SH3RF3: variants seen among roughly 807,000 people sequenced by gnomAD.
SH3RF3 encodes the protein SH3 domain containing ring finger 3.
Under a neutral mutation model 66.3 loss-of-function variants are expected in SH3RF3, and 29 were observed. That is an observed-to-expected ratio of 0.44 (90% CI 0.33 to 0.60). The LOEUF is 0.60. Ranked by LOEUF, SH3RF3 falls within the 20% of genes least tolerant of loss-of-function variation. The pLI, the probability that SH3RF3 is intolerant of heterozygous loss-of-function variation, is 0.04. For synonymous variants in SH3RF3, 583 were observed against 532.0 expected, an observed-to-expected ratio of 1.10 and a Z score of -1.32; for missense variants, 1,194 against 1,190.9, an observed-to-expected ratio of 1.00 and a Z score of -0.04.
chr2:109,295,775 A>G (rs1383090251), intron 1 of SH3RF3, among the ~76,000 whole-genome samples: 3 of 152,156 alleles, frequency 2.0e-5, no homozygotes, highest in Non-Finnish European at 4.4e-5. Context: ...TCTTGTGGGC[A>G]CGTCTGTGGT....
chr2:109,306,695 G>T (rs1681606328), intron 1 of SH3RF3, among the ~76,000 whole-genome samples: 1 of 152,226 alleles, frequency 6.6e-6, no homozygotes, highest in Non-Finnish European at 1.5e-5. Context: ...TGTTACTGAA[G>T]ACAACTCCAA....
chr2:109,193,654 G>A (rs757035493), intron 1 of SH3RF3, among the ~76,000 whole-genome samples: 1 of 152,046 alleles, frequency 6.6e-6, no homozygotes, highest in Non-Finnish European at 1.5e-5. Flanking sequence ...ATGAGTTGAT[G>A]GACATTTGAG....
intron 3 of SH3RF3, among the ~76,000 whole-genome samples, chr2:109,382,636 C>T (rs567262175): frequency 1.1e-4 from 16 of 152,220 alleles, no homozygotes; most frequent in Non-Finnish European, 2.2e-4. Context: ...CCTGTCACAT[C>T]TTCAAATCCT....
chr2:109,440,808 C>T (rs1677539508), intron 7 of SH3RF3, among the ~76,000 whole-genome samples: 1 of 152,152 alleles, frequency 6.6e-6, no homozygotes, highest in African/African-American at 2.4e-5. Flanking sequence ...GCCCTGAGAT[C>T]TTCAGGTGAC....
intron 1 of SH3RF3, among the ~76,000 whole-genome samples, chr2:109,306,833 C>T (rs192510273): frequency 6.0e-4 from 92 of 152,244 alleles, no homozygotes; most frequent in African/African-American, 1.7e-3. Context: ...TTGCTCTGGT[C>T]GACGTGTATG....
intron 1 of SH3RF3, among the ~76,000 whole-genome samples, chr2:109,131,702 G>A (rs1277508558): frequency 6.6e-6 from 1 of 152,114 alleles, no homozygotes; most frequent in Non-Finnish European, 1.5e-5. Flanking sequence ...CTTGTCAAAG[G>A]GGTTGAAGCT....
At chr2:109,336,105 T>C (rs1008714648) in intron 1 of SH3RF3, among the ~76,000 whole-genome samples, 2 of 152,210 alleles carry the variant, frequency 1.3e-5, no homozygotes, top group African/African-American at 4.8e-5. Flanking sequence ...GTAAGCTCTT[T>C]AATATTTTAG....
At chr2:109,190,177 A>ATTT (rs201914781) in intron 1 of SH3RF3, among the ~76,000 whole-genome samples, 1 of 145,570 alleles carries the variant, frequency 6.9e-6, no homozygotes, top group African/African-American at 2.5e-5. Context: ...TTGACATCCT[A>ATTT]TTTTTTTTTT....
At chr2:109,335,181 C>T (rs1293723836) in intron 1 of SH3RF3, among the ~76,000 whole-genome samples, 1 of 152,260 alleles carries the variant, frequency 6.6e-6, no homozygotes. Context: ...GTTCCTTGCG[C>T]CTGATCTAGA....
At chr2:109,338,418 G>T (rs1363220726) in intron 1 of SH3RF3, among the ~76,000 whole-genome samples, 3 of 151,862 alleles carry the variant, frequency 2.0e-5, no homozygotes, top group Non-Finnish European at 4.4e-5. Flanking sequence ...ATTTGAGCCA[G>T]ATTCTTAGGG....
intron 6 of SH3RF3, among the ~76,000 whole-genome samples, chr2:109,434,185 C>G (rs1463090227): frequency 1.3e-5 from 2 of 152,236 alleles, no homozygotes; most frequent in Non-Finnish European, 2.9e-5. Context: ...AGCTGGCACC[C>G]TCCAGGAAGG....
chr2:109,247,868 C>T (rs997668820), intron 1 of SH3RF3, among the ~76,000 whole-genome samples: 2 of 152,202 alleles, frequency 1.3e-5, no homozygotes, highest in African/African-American at 4.8e-5. Flanking sequence ...CTTATATCCC[C>T]CAAAGGCTAG....
At chr2:109,416,774 T>C (rs750329125) in intron 4 of SH3RF3, among the ~76,000 whole-genome samples, 2 of 151,842 alleles carry the variant, frequency 1.3e-5, no homozygotes, top group Non-Finnish European at 2.9e-5. Context: ...GGGGTGGTAT[T>C]GTGCAACTGT....
At chr2:109,424,755 C>T (rs980572738) in intron 5 of SH3RF3, among the ~76,000 whole-genome samples, 8 of 152,150 alleles carry the variant, frequency 5.3e-5, no homozygotes, top group Non-Finnish European at 7.3e-5. Flanking sequence ...ACGGACCCAC[C>T]GTTTCCCCCA....
intron 1 of SH3RF3, among the ~76,000 whole-genome samples, chr2:109,142,338 T>C (rs946811768): frequency 1.3e-5 from 2 of 152,200 alleles, no homozygotes; most frequent in Non-Finnish European, 2.9e-5. Context: ...CCATGCATGT[T>C]ATATTCTACT....
intron 1 of SH3RF3, among the ~76,000 whole-genome samples, chr2:109,210,169 G>A (rs1678939342): frequency 6.6e-6 from 1 of 152,174 alleles, no homozygotes; most frequent in South Asian, 2.1e-4. Flanking sequence ...ATATTCCATT[G>A]TATGGCTAGA....
intron 3 of SH3RF3, among the ~76,000 whole-genome samples, chr2:109,373,295 T>A (rs570983799): frequency 1.3e-5 from 2 of 152,366 alleles, no homozygotes; most frequent in Admixed American, 1.3e-4. Flanking sequence ...TCTCGGACAT[T>A]TTTAGCTGGC....
At chr2:109,373,251 C>T (rs1683312951) in intron 3 of SH3RF3, among the ~76,000 whole-genome samples, 1 of 152,246 alleles carries the variant, frequency 6.6e-6, no homozygotes, top group South Asian at 2.1e-4. Context: ...GCGAATACCA[C>T]TTACAATGTC....
chr2:109,307,310 G>C (rs913797326), intron 1 of SH3RF3, among the ~76,000 whole-genome samples: 4 of 152,286 alleles, frequency 2.6e-5, no homozygotes, highest in African/African-American at 7.2e-5. Context: ...AAGATGTTCT[G>C]CTAGGATGCT....
Sources: gnomAD v4.1 joint callset for allele counts (sites outside exome capture counted in the v4.1 genomes callset) on GRCh38, gnomAD v4.1.1 for gene constraint, MANE v1.5 for transcripts, NCBI Gene and HGNC (gene_info 2026-07-23, HGNC 2026-07-21) for gene names.